The following IL13RA1 variants were observed in gnomAD, a reference collection of about 807,000 sequenced individuals.
The protein encoded by IL13RA1 is interleukin-13 receptor subunit alpha-1.
Under a neutral mutation model 33.8 loss-of-function variants are expected in IL13RA1, and 14 were observed. That is an observed-to-expected ratio of 0.41 (90% CI 0.27 to 0.65). The LOEUF is 0.65. IL13RA1 is among the 30% of genes least tolerant of loss of function. The pLI is 0.28. For missense variants in IL13RA1, 313 were observed against 327.0 expected (o/e 0.96, Z 0.33); for synonymous variants, 116 against 115.7 (o/e 1.00, Z -0.02).
chrX:118,757,297 C>T (rs1282758803), intron 4 of IL13RA1, among the ~76,000 whole-genome samples: 5 of 110,788 alleles, frequency 4.5e-5, no homozygotes, highest in East Asian at 5.7e-4. Flanking sequence ...TTTGGGAGGC[C>T]GAGGCGGGTG....
chrX:118,752,846 A>G (rs1194161518), intron 4 of IL13RA1, among the ~76,000 whole-genome samples: 1 of 112,330 alleles, frequency 8.9e-6, no homozygotes, highest in African/African-American at 3.2e-5. Context: ...GAGTAGATCC[A>G]GCTCCCTAAA....
chrX:118,787,412 T>TGGGCAGGGCAAGGTCACAA (rs1239727915), intron 10 of IL13RA1, among the ~76,000 whole-genome samples: 1 of 110,864 alleles, frequency 9.0e-6, no homozygotes, highest in African/African-American at 3.3e-5. Context: ...ACAAGGCAAA[T>TGGGCAGGGCAAGGTCACAA]GGGCAGGGCA....
intron 3 of IL13RA1, among the ~76,000 whole-genome samples, chrX:118,748,388 A>G (rs947489740): frequency 1.9e-4 from 20 of 103,433 alleles, no homozygotes; most frequent in Admixed American, 1.7e-3. Flanking sequence ...AAACGGCTAG[A>G]TGCAGTGGCT....
At chrX:118,787,516 G>A (rs1234134663) in intron 10 of IL13RA1, among the ~76,000 whole-genome samples, 1 of 111,522 alleles carries the variant, frequency 9.0e-6, no homozygotes, top group African/African-American at 3.3e-5. Flanking sequence ...AACAGGGTTT[G>A]AGAGCAGACA....
intron 9 of IL13RA1, among the ~76,000 whole-genome samples, chrX:118,774,553 A>G (rs1425319857): frequency 8.9e-6 from 1 of 112,528 alleles, no homozygotes; most frequent in Admixed American, 9.4e-5. Context: ...AATAGGTCCT[A>G]TGTTCACATA....
At chrX:118,797,538 T>C (rs2018038454), downstream of IL13RA1, among the ~76,000 whole-genome samples, 1 of 112,239 alleles carries the variant, frequency 8.9e-6, no homozygotes, top group African/African-American at 3.2e-5. Flanking sequence ...CACTCCTCCT[T>C]ACCCCTGATT....
intron 1 of IL13RA1, among the ~76,000 whole-genome samples, chrX:118,728,124 C>T (rs1195321252): frequency 8.9e-6 from 1 of 112,446 alleles, no homozygotes; most frequent in Non-Finnish European, 1.9e-5. Flanking sequence ...CCTGTGAGCC[C>T]GGGAGGAAAT....
chrX:118,803,706 G>T, the IL13RA1 span, among the ~76,000 whole-genome samples: 1 of 111,011 alleles, frequency 9.0e-6, no homozygotes, highest in Non-Finnish European at 1.9e-5. Flanking sequence ...ACAAATGATT[G>T]TTTGGCCTTT....
At chrX:118,773,349 G>A (rs1283850691) in intron 8 of IL13RA1, among the ~76,000 whole-genome samples, 1 of 111,349 alleles carries the variant, frequency 9.0e-6, no homozygotes, top group East Asian at 2.8e-4. Context: ...AAATTAACTC[G>A]GTGTGGTGGT....
At chrX:118,790,947 A>G (rs2017968485) in intron 10 of IL13RA1, among the ~76,000 whole-genome samples, 1 of 112,312 alleles carries the variant, frequency 8.9e-6, no homozygotes, top group Non-Finnish European at 1.9e-5. Flanking sequence ...CAAGCCATTC[A>G]GTCTCTGTCA....
At chrX:118,784,077 CAAAA>C (rs376419026) in intron 10 of IL13RA1, among the ~76,000 whole-genome samples, 24 of 25,306 alleles carry the variant, frequency 9.5e-4, no homozygotes, top group African/African-American at 4.5e-3. Context: ...ACTCTGTCGC[CAAAA>C]AAAAAAAAAA....
At chrX:118,758,676 G>A (rs1452840091) in intron 5 of IL13RA1, among the ~76,000 whole-genome samples, 1 of 111,635 alleles carries the variant, frequency 9.0e-6, no homozygotes, top group Non-Finnish European at 1.9e-5. Flanking sequence ...CTTGTTTGTG[G>A]GGACTTTCTG....
intron 2 of IL13RA1, among the ~76,000 whole-genome samples, chrX:118,745,713 T>C (rs1377842049): frequency 9.0e-6 from 1 of 111,693 alleles, no homozygotes; most frequent in Non-Finnish European, 1.9e-5. Flanking sequence ...CGTCAACATG[T>C]AGATGAAAGG....
In IL13RA1 at chrX:118,778,012, T is replaced by C. The variant is rs145181501; in HGVS notation, c.1191+1501T>C. On this transcript the variant is annotated intron_variant, in intron 10 of 10. Transcript: ENST00000371666. ...GACCTTGGATAATTTTCTTAGCTTC[T>C]CTGTGACTCAATTTTTTCATTAGTA... is the stretch of plus-strand genomic sequence containing the variant. 4.8e-3 allele frequency among the ~76,000 whole-genome samples: 533 copies of C among 111,283 alleles called. 3 individuals are homozygous for C. Among genetic ancestry groups the C allele is most frequent in the Non-Finnish European group, 7.3e-3 (387 of 53,007 alleles).
chrX:118,799,963 T>C, the IL13RA1 span, among the ~76,000 whole-genome samples: 2 of 100,657 alleles, frequency 2.0e-5, no homozygotes, highest in African/African-American at 7.4e-5. Context: ...CAATCGGCAC[T>C]CTGTATCTAG....
At chrX:118,789,168 A>C (rs1318763003) in intron 10 of IL13RA1, among the ~76,000 whole-genome samples, 1 of 112,526 alleles carries the variant, frequency 8.9e-6, no homozygotes, top group Non-Finnish European at 1.9e-5. Context: ...TCATGCAATG[A>C]AATATTATGT....
At chrX:118,770,542 A>G in intron 8 of IL13RA1, 1 of 530,789 alleles carries the variant, frequency 1.9e-6, no homozygotes, top group Non-Finnish European at 3.3e-6. Context: ...CGTGGTGTGG[A>G]TGCGCATGGC....
At chrX:118,734,790 G>A (rs1313906240) in intron 1 of IL13RA1, among the ~76,000 whole-genome samples, 1 of 111,677 alleles carries the variant, frequency 9.0e-6, no homozygotes, top group East Asian at 2.8e-4. Context: ...TTCTTGTAGC[G>A]TCTTTGTCTG....
At chrX:118,800,524 A>G in the IL13RA1 span, among the ~76,000 whole-genome samples, 203 of 110,777 alleles carry the variant, frequency 1.8e-3, 1 homozygote, top group African/African-American at 5.9e-3. Flanking sequence ...CACCAGAAGG[A>G]AGAAACTCGG....
Sources: allele counts gnomAD v4.1 joint callset (sites outside exome capture counted in the v4.1 genomes callset), GRCh38; gene constraint gnomAD v4.1.1; transcripts MANE v1.5; gene names NCBI Gene and HGNC (gene_info 2026-07-23, HGNC 2026-07-21).